Variants in CAST observed in about 807,000 individuals in gnomAD.
The protein encoded by CAST is calpastatin.
In CAST, 76 loss-of-function variants were observed where a neutral mutation model predicts 119.6. That is an observed-to-expected ratio of 0.64 (90% CI 0.53 to 0.77). The LOEUF (loss-of-function observed/expected upper bound fraction) is 0.77. CAST is among the 30% of genes least tolerant of loss of function. The pLI, the probability that CAST is intolerant of heterozygous loss-of-function variation, is 0.00. For synonymous variants in CAST, 319 were observed against 331.6 expected, an observed-to-expected ratio of 0.96 and a Z score of 0.41; for missense variants, 953 against 946.5, an observed-to-expected ratio of 1.01 and a Z score of -0.09.
chr5:96,353,227 T>C, the CAST span, among the ~76,000 whole-genome samples: 1 of 152,208 alleles, frequency 6.6e-6, no homozygotes, highest in African/African-American at 2.4e-5. Flanking sequence ...ACCATACTTT[T>C]TAGATGGGGG....
At chr5:96,485,186 T>C in the CAST span, among the ~76,000 whole-genome samples, 1 of 152,226 alleles carries the variant, frequency 6.6e-6, no homozygotes, top group Admixed American at 6.5e-5. Flanking sequence ...CTAAGTCTCA[T>C]GGATTGAAAA....
the CAST span, among the ~76,000 whole-genome samples, chr5:96,470,040 T>C: frequency 2.0e-5 from 3 of 151,662 alleles, no homozygotes; most frequent in African/African-American, 7.3e-5. Context: ...TACTTTGTTC[T>C]ATTTCATTAT....
chr5:96,765,984 A>C (rs1291599077), intron 26 of CAST, 69 bp from the exon 27 acceptor site: 6 of 896,472 alleles, frequency 6.7e-6, no homozygotes, highest in African/African-American at 3.3e-5. Context: ...TGAATGCTGC[A>C]TTTGACAATG....
intron 6 of CAST, among the ~76,000 whole-genome samples, chr5:96,728,092 GA>G (rs1759620063): frequency 6.6e-6 from 1 of 152,206 alleles, no homozygotes; most frequent in South Asian, 2.1e-4. Flanking sequence ...GCATGGAGGT[GA>G]ACCCCAGGTT....
At chr5:96,662,658 G>A (rs1464170384) in intron 1 of CAST, among the ~76,000 whole-genome samples, 161 bp downstream of exon 1, 3 of 152,194 alleles carry the variant, frequency 2.0e-5, no homozygotes, top group Non-Finnish European at 4.4e-5. Context: ...TGCCAGGCAG[G>A]TGGCTGCAGG....
At chr5:96,562,106 A>G (rs927534174) in intron 1 of CAST, among the ~76,000 whole-genome samples, 5 of 152,086 alleles carry the variant, frequency 3.3e-5, no homozygotes, top group Admixed American at 1.3e-4. Context: ...ATGTTTTTAC[A>G]TATGTATGTA....
At chr5:96,146,741 C>A in the CAST span, among the ~76,000 whole-genome samples, 1 of 152,148 alleles carries the variant, frequency 6.6e-6, no homozygotes, top group Non-Finnish European at 1.5e-5. Context: ...CATGACATCT[C>A]ATTAGCTTAA....
At chr5:96,562,994 C>T (rs2150185202) in intron 1 of CAST, among the ~76,000 whole-genome samples, 1 of 152,252 alleles carries the variant, frequency 6.6e-6, no homozygotes, top group Admixed American at 6.5e-5. Flanking sequence ...TTCTGTCCTC[C>T]CTCTAAAGCA....
At chr5:96,308,351 A>T in the CAST span, among the ~76,000 whole-genome samples, 25 of 152,028 alleles carry the variant, frequency 1.6e-4, no homozygotes, top group African/African-American at 5.1e-4. Flanking sequence ...TTAGCAATAC[A>T]TCTAACCTTT....
the CAST span, among the ~76,000 whole-genome samples, chr5:96,471,092 T>C: frequency 6.6e-6 from 1 of 151,960 alleles, no homozygotes; most frequent in Non-Finnish European, 1.5e-5. Context: ...TAGATCACAA[T>C]AGCTCCAAGC....
At chr5:96,510,011 A>G in the CAST span, among the ~76,000 whole-genome samples, 2,536 of 152,318 alleles carry the variant, frequency 0.017, 28 homozygotes, top group Non-Finnish European at 0.028. Flanking sequence ...TTTTAAAAAA[A>G]TAAGAAATCA....
At chr5:96,576,068 G>T (rs532040455) in intron 1 of CAST, among the ~76,000 whole-genome samples, 1 of 152,146 alleles carries the variant, frequency 6.6e-6, no homozygotes, top group Admixed American at 6.5e-5. Flanking sequence ...AGTCCCACAT[G>T]GTCATGGTGC....
At chr5:96,216,990 T>C in the CAST span, among the ~76,000 whole-genome samples, 3 of 152,120 alleles carry the variant, frequency 2.0e-5, no homozygotes, top group African/African-American at 7.2e-5. Context: ...ACAGAAAATA[T>C]TAAAAAGATG....
chr5:96,061,684 G>C, the CAST span, among the ~76,000 whole-genome samples: 1 of 151,748 alleles, frequency 6.6e-6, no homozygotes, highest in Non-Finnish European at 1.5e-5. Flanking sequence ...TGTGTGTAAA[G>C]AGAAGTAGCC....
chr5:96,573,681 G>A (rs2150187667), intron 1 of CAST, among the ~76,000 whole-genome samples: 1 of 152,122 alleles, frequency 6.6e-6, no homozygotes, highest in African/African-American at 2.4e-5. Flanking sequence ...GCACAGTTTG[G>A]TGAATGCTGA....
At chr5:96,697,214 T>C (rs1204345743) in intron 3 of CAST, among the ~76,000 whole-genome samples, 5 of 152,204 alleles carry the variant, frequency 3.3e-5, no homozygotes, top group Non-Finnish European at 7.3e-5. Flanking sequence ...TTCAACTTTG[T>C]GGTCTTTTAG....
intron 1 of CAST, among the ~76,000 whole-genome samples, chr5:96,608,787 A>C (rs1302118693): frequency 6.6e-6 from 1 of 152,170 alleles, no homozygotes; most frequent in African/African-American, 2.4e-5. Context: ...ATCATAGTGG[A>C]ATGTGAAGAG....
the CAST span, among the ~76,000 whole-genome samples, chr5:96,263,484 A>T: frequency 6.6e-6 from 1 of 152,150 alleles, no homozygotes; most frequent in Non-Finnish European, 1.5e-5. Context: ...AATTATCAAT[A>T]TGGGATGTTC....
intron 3 of CAST, 84 bp from the exon 4 acceptor site, chr5:96,722,555 C>T: frequency 3.0e-6 from 3 of 1,008,390 alleles, no homozygotes; most frequent in Admixed American, 3.5e-5. Flanking sequence ...GGGCCAAGGG[C>T]AGTATGGTTA....
Sources: allele counts gnomAD v4.1 joint callset (sites outside exome capture counted in the v4.1 genomes callset), GRCh38; gene constraint gnomAD v4.1.1; transcripts MANE v1.5; gene names NCBI Gene and HGNC (gene_info 2026-07-23, HGNC 2026-07-21).